Variants in ALDH1L1 observed in about 807,000 individuals in gnomAD.
The protein encoded by ALDH1L1 is aldehyde dehydrogenase 1 family member L1.
ALDH1L1 carries 68 observed loss-of-function variants against 101.1 expected under a neutral mutation model. The ratio of observed to expected loss-of-function variants is 0.67; its 90% CI spans 0.55 to 0.82. The LOEUF is 0.82. Among genes scored for constraint, ALDH1L1 ranks in the 40% least tolerant of loss-of-function variants. The probability of loss-of-function intolerance (pLI) is 0.00; values close to 1 mark genes in which losing one functional copy is unlikely to be tolerated. For synonymous variants in ALDH1L1, 486 were observed against 470.8 expected (o/e 1.03, Z -0.42); for missense variants, 1,087 against 1,172.7 (o/e 0.93, Z 1.07).
intron 1 of ALDH1L1, among the ~76,000 whole-genome samples, chr3:126,174,681 A>G (rs190836205): frequency 1.5e-3 from 224 of 152,332 alleles, no homozygotes; most frequent in African/African-American, 4.3e-3. Flanking sequence ...CTCTCAAGAA[A>G]AAATTTAAAA....
At position 126,117,159 on chromosome 3, in the gene ALDH1L1, C is replaced by T. The variant is rs976931584; in HGVS notation, c.1982+846G>A. Among the ~76,000 whole-genome samples, 22 of 150,222 alleles carry T rather than the reference C, an allele frequency of 1.5e-4. No homozygotes were observed. The East Asian group carries it at 2.2e-3, about 15-fold the overall frequency. On this transcript the variant is annotated intron_variant, in intron 17 of 22. Transcript: ENST00000393434. ...ACTCAGGAGGCTAAGGTAGGAGGAT[C>T]GCATGAGCCAGGGAGGCAGAGGCTG...
At chr3:126,178,904 A>G (rs138017079) in intron 1 of ALDH1L1, among the ~76,000 whole-genome samples, 36 of 152,002 alleles carry the variant, frequency 2.4e-4, no homozygotes, top group Middle Eastern at 3.4e-3. Flanking sequence ...TTCTTAACTG[A>G]ATGTTCTTTT....
intron 6 of ALDH1L1, 99 bp downstream of exon 6, chr3:126,154,455 C>A: frequency 8.1e-7 from 1 of 1,238,232 alleles, no homozygotes; most frequent in Non-Finnish European, 1.2e-6. Flanking sequence ...AGGGCAGTAG[C>A]TATTTATTAT....
chr3:126,123,987 T>G (rs983723879), intron 16 of ALDH1L1, among the ~76,000 whole-genome samples: 3 of 152,080 alleles, frequency 2.0e-5, no homozygotes, highest in Non-Finnish European at 4.4e-5. Context: ...CAACAAAAAC[T>G]TAAAAAGTGA....
At chr3:126,194,060 G>A (rs2081567951) in intron 1 of ALDH1L1, among the ~76,000 whole-genome samples, 1 of 152,142 alleles carries the variant, frequency 6.6e-6, no homozygotes, top group African/African-American at 2.4e-5. Flanking sequence ...TTCAAAAACT[G>A]CATCAGCACT....
At chr3:126,128,128 A>G (rs2365006) in intron 14 of ALDH1L1, among the ~76,000 whole-genome samples, 96,724 of 151,994 alleles carry the variant, frequency 0.64, 30,876 homozygotes, top group Middle Eastern at 0.72. Flanking sequence ...GCCAAGCGAG[A>G]AGTTTGATTC....
At chr3:126,150,107 T>C (rs1426535705) in intron 8 of ALDH1L1, among the ~76,000 whole-genome samples, 1 of 152,164 alleles carries the variant, frequency 6.6e-6, no homozygotes, top group African/African-American at 2.4e-5. Flanking sequence ...GACATGGGCT[T>C]GACACCTGAC....
At chr3:126,119,200 C>T (rs369295500) in intron 16 of ALDH1L1, among the ~76,000 whole-genome samples, 21 of 152,306 alleles carry the variant, frequency 1.4e-4, no homozygotes, top group East Asian at 1.4e-3. Flanking sequence ...CTTCCAAGGG[C>T]CATCTTCAGG....
In ALDH1L1 at chr3:126,118,028, C is replaced by T; in HGVS notation, c.1959G>A (p.Glu653=). 6.2e-7 allele frequency: 1 copy of T among 1,614,030 alleles called. No homozygotes were observed. Among genetic ancestry groups the T allele is most frequent in the Non-Finnish European group, 8.5e-7 (1 of 1,180,004 alleles). ...VRKIGFTGST[E]VGKHIMKSCA... ...ACCTTTTCATGATGTGCTTGCCCAC[C>T]TCTGTGGAGCCTGTGAACCCGATTT... The change falls in exon 17 of 23, where the codon GAG becomes GAA. Residue 653 remains glutamate (E), a synonymous_variant. Transcript: ENST00000393434.
chr3:126,135,762 G>C, intron 11 of ALDH1L1, 100 bp from the exon 12 acceptor site: 1 of 1,385,534 alleles, frequency 7.2e-7, no homozygotes, highest in Non-Finnish European at 9.5e-7. Flanking sequence ...CCAGTGAGGC[G>C]GCCCCTGTCC....
chr3:126,183,330 A>C (rs76630924), upstream of ALDH1L1, among the ~76,000 whole-genome samples: 126 of 152,346 alleles, frequency 8.3e-4, 1 homozygote, highest in East Asian at 0.021. Flanking sequence ...TAAAAGAATT[A>C]TATGAGCAAA....
Position 126,157,352 on chromosome 3 carries a change from GA to G in ALDH1L1, c.518del (p.Ile173ThrfsTer8), listed in dbSNP as rs1214945927. 6.2e-7 allele frequency: 1 copy of G among 1,611,510 alleles called. No homozygotes were observed. The highest frequency in any genetic ancestry group is 8.5e-7 in the Non-Finnish European group (1 of 1,178,262). ...LYNRFLFPEG[I>X]KGMVQAVRLI... is the part of the protein sequence containing the mutation. ...GGCTCCAGGTCCTCACCATCCCTTT[GA>G]TGCCTTCAGGGAAGAGGAAGCGGTT... On this transcript the variant is annotated frameshift_variant, in exon 4 of 23. Transcript: ENST00000393434. LOFTEE classifies it high-confidence loss of function.
chr3:126,175,507 T>C (rs1480687403), intron 1 of ALDH1L1, among the ~76,000 whole-genome samples: 3 of 152,142 alleles, frequency 2.0e-5, no homozygotes, highest in Non-Finnish European at 4.4e-5. Flanking sequence ...AAAAGAATTA[T>C]ACATAACCAC....
chr3:126,152,127 A>G (rs2080818305), intron 7 of ALDH1L1: 1 of 152,242 alleles, frequency 6.6e-6, no homozygotes. Context: ...CCTGTACACA[A>G]AGAGGCCGAG....
chr3:126,122,272 G>T (rs2108213559), intron 16 of ALDH1L1, among the ~76,000 whole-genome samples: 1 of 152,180 alleles, frequency 6.6e-6, no homozygotes, highest in South Asian at 2.1e-4. Flanking sequence ...AAGGTAATTA[G>T]GTAATTATAA....
chr3:126,191,273 G>A (rs140063677), intron 1 of ALDH1L1, among the ~76,000 whole-genome samples: 18 of 152,330 alleles, frequency 1.2e-4, no homozygotes, highest in East Asian at 5.8e-4. Context: ...TGGGGCTTGC[G>A]TAAAAGTTCA....
intron 1 of ALDH1L1, among the ~76,000 whole-genome samples, chr3:126,189,591 T>G (rs990483146): frequency 7.9e-5 from 12 of 152,232 alleles, no homozygotes; most frequent in Non-Finnish European, 1.3e-4. Context: ...CTTTCTTTGA[T>G]GTCTTTTCCA....
At position 126,153,268 on chromosome 3, in the gene ALDH1L1, C is replaced by A. The variant is rs890430694; in HGVS notation, c.858+176G>T. On this transcript the variant is annotated intron_variant, in intron 7 of 22. Transcript: ENST00000393434. Reference sequence around the variant, plus strand: ...AGAAGTGGGTAAACTGCCTCGGACACCCTGTGCTCAGGACCAGCCGGGTGG... The same window carrying A: ...AGAAGTGGGTAAACTGCCTCGGACAACCTGTGCTCAGGACCAGCCGGGTGG... The A allele has an allele frequency of 7.5e-6, 7 of 935,838 alleles. No individual in the cohort carries two copies. The East Asian group carries it at 1.3e-4, about 17-fold the overall frequency. 58.0% of individuals were successfully genotyped at this position (935,838 alleles called of 1,614,324 possible).
At chr3:126,109,713 T>G (rs1278046126) in intron 20 of ALDH1L1, among the ~76,000 whole-genome samples, 1 of 151,816 alleles carries the variant, frequency 6.6e-6, no homozygotes, top group Non-Finnish European at 1.5e-5. Flanking sequence ...CAAGTCAGAG[T>G]CCAGTTCAAT....
Sources: gnomAD v4.1 joint callset for allele counts (sites outside exome capture counted in the v4.1 genomes callset) on GRCh38, gnomAD v4.1.1 for gene constraint, MANE v1.5 for transcripts, NCBI Gene and HGNC (gene_info 2026-07-23, HGNC 2026-07-21) for gene names.